CCNJL: variants seen among roughly 807,000 people sequenced by gnomAD.
CCNJL encodes the protein cyclin-J-like protein.
Under a neutral mutation model 33.4 loss-of-function variants are expected in CCNJL, and 33 were observed. That is an observed-to-expected ratio of 0.99 (90% confidence interval 0.75 to 1.32). The LOEUF (loss-of-function observed/expected upper bound fraction) is 1.32. Ranked by LOEUF, CCNJL falls within the 40% of genes most tolerant of loss-of-function variation. The pLI, the probability that CCNJL is intolerant of heterozygous loss-of-function variation, is 0.00. For synonymous variants in CCNJL, 227 were observed against 220.9 expected (o/e 1.03, Z -0.24); for missense variants, 512 against 499.7 (o/e 1.02, Z -0.23).
intron 2 of CCNJL, among the ~76,000 whole-genome samples, chr5:160,311,629 A>C (rs2113459559): frequency 6.6e-6 from 1 of 152,322 alleles, no homozygotes; most frequent in South Asian, 2.1e-4. Flanking sequence ...TAGTTGGCCC[A>C]GAGTTCTGAG....
At chr5:160,297,398 T>TCTCC (rs1762780488) in intron 2 of CCNJL, among the ~76,000 whole-genome samples, 1 of 151,738 alleles carries the variant, frequency 6.6e-6, no homozygotes, top group African/African-American at 2.4e-5. Context: ...CTGCTTGGCT[T>TCTCC]CTTCCTAACT....
At chr5:160,269,026 G>C (rs114989908) in intron 3 of CCNJL, among the ~76,000 whole-genome samples, 3 of 152,270 alleles carry the variant, frequency 2.0e-5, no homozygotes, top group Non-Finnish European at 2.9e-5. Flanking sequence ...ATTTCTGACA[G>C]GCTGAATCAA....
In CCNJL at chr5:160,280,677, ACGAAGAAC is replaced by A; in HGVS notation, c.120_127del (p.Phe41GlyfsTer52). 1 of 1,613,518 alleles carries A rather than the reference ACGAAGAAC, an allele frequency of 6.2e-7. No homozygotes were observed. Among genetic ancestry groups the A allele is most frequent in the Non-Finnish European group, 8.5e-7 (1 of 1,179,902 alleles). On this transcript the variant is annotated frameshift_variant, in exon 3 of 6. Coordinates refer to ENST00000257536, the MANE Select transcript of CCNJL (RefSeq NM_001308173.3). LOFTEE classifies it high-confidence loss of function. Reference sequence around the variant, plus strand: ...GCTGCTCAGCAGGGTCAGGATGTCCACGAAGAACCGGCGGCTCTTCAGGAGTGGGGAGT... The same window carrying A: ...GCTGCTCAGCAGGGTCAGGATGTCCACGGCGGCTCTTCAGGAGTGGGGAGT...
chr5:160,288,078 AC>A (rs1456625243), intron 2 of CCNJL, among the ~76,000 whole-genome samples: 1 of 152,180 alleles, frequency 6.6e-6, no homozygotes, highest in Non-Finnish European at 1.5e-5. Context: ...AATCCACCTT[AC>A]AAAAACCCCT....
chr5:160,249,358 T>C lies in CCNJL; in HGVS notation c.*4020A>G, dbSNP rs570783082. 2.0e-5 allele frequency: 3 copies of C among 152,352 alleles called. No homozygotes were observed. The highest frequency in any genetic ancestry group is 6.5e-5 in the Admixed American group (1 of 15,302). The allele number at this position is 152,352 out of a possible 1,614,324, so 9.4% of individuals were successfully genotyped here. A position where few individuals can be genotyped will look rare whatever the true frequency, so the allele number is the denominator to read the frequency against. On this transcript the variant is annotated 3_prime_UTR_variant, in exon 6 of 6. Transcript: ENST00000257536. The stretch of plus-strand genomic sequence containing the variant: ...TTATGTTGACATGCTTAAATATTGG[T>C]ATATTGAGTATTCTTTCATCAGCAT...
chr5:160,292,578 G>A (rs1329731226), intron 2 of CCNJL, among the ~76,000 whole-genome samples: 1 of 152,040 alleles, frequency 6.6e-6, no homozygotes, highest in African/African-American at 2.4e-5. Context: ...CTACGATTAT[G>A]CCACTGCACT....
intron 3 of CCNJL, among the ~76,000 whole-genome samples, chr5:160,277,091 T>C (rs913194667): frequency 3.9e-5 from 6 of 152,000 alleles, no homozygotes; most frequent in Non-Finnish European, 7.4e-5. Context: ...CCGTGCCTGG[T>C]TGTATTTTTC....
intron 1 of CCNJL, among the ~76,000 whole-genome samples, chr5:160,332,049 C>T (rs745836929): frequency 2.6e-5 from 4 of 152,128 alleles, no homozygotes; most frequent in Non-Finnish European, 5.9e-5. Context: ...GTTTCCCCTC[C>T]CTCTCTCCAA....
intron 4 of CCNJL, chr5:160,258,464 T>C: frequency 8.6e-7 from 1 of 1,164,420 alleles, no homozygotes; most frequent in East Asian, 2.3e-5. Context: ...GACCTGTCCA[T>C]GAAGCATCAG....
intron 2 of CCNJL, among the ~76,000 whole-genome samples, chr5:160,283,698 T>C (rs1390204283): frequency 2.0e-5 from 3 of 152,320 alleles, no homozygotes; most frequent in Non-Finnish European, 4.4e-5. Flanking sequence ...CGTTGTGCAA[T>C]ACAATAGTAT....
chr5:160,254,255 C>A, intron 5 of CCNJL: 1 of 557,442 alleles, frequency 1.8e-6, no homozygotes, highest in South Asian at 2.5e-5. Context: ...CCAGCTCCAT[C>A]CCCAGCGGGG....
intron 3 of CCNJL, 65 bp from the exon 4 acceptor site, chr5:160,259,836 G>T: frequency 7.1e-7 from 1 of 1,400,244 alleles, no homozygotes; most frequent in Non-Finnish European, 9.9e-7. Context: ...GAAGCTAACG[G>T]CCCACCTTAC....
At chr5:160,311,179 C>T (rs1763249139) in intron 2 of CCNJL, among the ~76,000 whole-genome samples, 1 of 152,146 alleles carries the variant, frequency 6.6e-6, no homozygotes, top group Non-Finnish European at 1.5e-5. Context: ...GTGCAGGGAT[C>T]ACATTTCAGC....
At chr5:160,336,541 C>T (rs1470411052) in intron 1 of CCNJL, among the ~76,000 whole-genome samples, 1 of 152,254 alleles carries the variant, frequency 6.6e-6, no homozygotes, top group East Asian at 1.9e-4. Flanking sequence ...AGATGTCAGA[C>T]TCTGGGTTCC....
intron 3 of CCNJL, among the ~76,000 whole-genome samples, chr5:160,263,610 C>T (rs897659882): frequency 1.4e-4 from 21 of 152,216 alleles, no homozygotes; most frequent in African/African-American, 5.1e-4. Context: ...TCCTTCTCAC[C>T]CACTGGACCA....
At chr5:160,321,896 TC>T (rs1370051050) in intron 1 of CCNJL, among the ~76,000 whole-genome samples, 1 of 152,020 alleles carries the variant, frequency 6.6e-6, no homozygotes, top group Non-Finnish European at 1.5e-5. Flanking sequence ...GAACAACACC[TC>T]CCCCAACCCT....
intron 2 of CCNJL, among the ~76,000 whole-genome samples, chr5:160,291,088 A>G (rs1762569112): frequency 6.6e-6 from 1 of 151,598 alleles, no homozygotes; most frequent in Admixed American, 6.6e-5. Context: ...GAAAGAAAGA[A>G]AGAAAAGAAA....
intron 2 of CCNJL, among the ~76,000 whole-genome samples, chr5:160,292,947 A>G (rs1046172524): frequency 6.6e-6 from 1 of 152,204 alleles, no homozygotes; most frequent in Admixed American, 6.5e-5. Flanking sequence ...GCATCCCTAC[A>G]TTACAGACAA....
At chr5:160,334,207 C>T (rs1185186604) in intron 1 of CCNJL, among the ~76,000 whole-genome samples, 7 of 152,302 alleles carry the variant, frequency 4.6e-5, no homozygotes, top group South Asian at 2.1e-4. Context: ...CCTCGCCCAC[C>T]GCTGTCATGC....
Sources: allele counts gnomAD v4.1 joint callset (sites outside exome capture counted in the v4.1 genomes callset), GRCh38; gene constraint gnomAD v4.1.1; transcripts MANE v1.5; gene names NCBI Gene and HGNC (gene_info 2026-07-23, HGNC 2026-07-21).